Variants in SLF1 observed in about 807,000 individuals in gnomAD.
The protein encoded by SLF1 is SMC5-SMC6 complex localization factor protein 1.
SLF1 carries 105 observed loss-of-function variants against 123.0 expected under a neutral mutation model. That is an observed-to-expected ratio of 0.85 (90% confidence interval 0.73 to 1.00). SLF1 has a LOEUF of 1.00. SLF1 is among the 50% of genes least tolerant of loss of function. SLF1 has a pLI of 0.00. For missense variants in SLF1, 1,239 were observed against 1,223.0 expected, an observed-to-expected ratio of 1.01 and a Z score of -0.20; for synonymous variants, 434 against 406.6, an observed-to-expected ratio of 1.07 and a Z score of -0.81.
chr5:94,686,888 T>G (rs1371038224), intron 16 of SLF1, among the ~76,000 whole-genome samples, 170 bp downstream of exon 16: 1 of 152,136 alleles, frequency 6.6e-6, no homozygotes, highest in African/African-American at 2.4e-5. Flanking sequence ...CCCGGGTGCA[T>G]GGCATTCTCC....
intron 4 of SLF1, among the ~76,000 whole-genome samples, chr5:94,635,262 C>G (rs1193421198): frequency 1.3e-5 from 2 of 148,454 alleles, no homozygotes; most frequent in Non-Finnish European, 3.0e-5. Flanking sequence ...ATGGAGTATC[C>G]TTTTCCATCC....
At chr5:94,647,187 A>G (rs1747163755) in intron 5 of SLF1, among the ~76,000 whole-genome samples, 1 of 152,230 alleles carries the variant, frequency 6.6e-6, no homozygotes. Context: ...GTAGTTAAAA[A>G]ATAATAAATG....
intron 12 of SLF1, among the ~76,000 whole-genome samples, chr5:94,667,273 A>G (rs893603219): frequency 5.3e-5 from 8 of 152,190 alleles, no homozygotes; most frequent in African/African-American, 1.9e-4. Flanking sequence ...ATACCGCACA[A>G]AAGTACAAGC....
chr5:94,679,104 C>G (rs1751455664), intron 15 of SLF1, 149 bp downstream of exon 15: 1 of 797,386 alleles, frequency 1.3e-6, no homozygotes, highest in Non-Finnish European at 1.9e-6. Context: ...TTCACACACA[C>G]AGACAATATA....
At position 94,695,509 on chromosome 5, in the gene SLF1, T is replaced by C. The variant is rs953847640; in HGVS notation, c.*197T>C. ...TGGGCTTCTGACTTTTTCCAGGGTG[T>C]AGAATTTGACTCAAAAGTAAAAATA... On this transcript the variant is annotated 3_prime_UTR_variant, in exon 21 of 21. Transcript: ENST00000265140. The C allele has an allele frequency of 1.1e-5, 5 of 451,500 alleles. No homozygotes were observed. Among genetic ancestry groups the C allele is most frequent in the African/African-American group, 4.1e-5 (2 of 49,026 alleles). The allele number at this position is 451,500 out of a possible 1,614,324, so 28.0% of individuals were successfully genotyped here.
intron 18 of SLF1, among the ~76,000 whole-genome samples, chr5:94,690,675 A>G (rs1159938105): frequency 6.6e-6 from 1 of 152,176 alleles, no homozygotes; most frequent in Non-Finnish European, 1.5e-5. Context: ...TTAGTATTTT[A>G]TAGTAAGAAC....
chr5:94,638,233 C>T (rs1746033056), intron 4 of SLF1, among the ~76,000 whole-genome samples: 1 of 152,004 alleles, frequency 6.6e-6, no homozygotes, highest in South Asian at 2.1e-4. Flanking sequence ...GGCTGAAGTG[C>T]AGTGGCGCGA....
Position 94,697,357 on chromosome 5 carries a change from G to T in SLF1, c.*2045G>T, listed in dbSNP as rs1206634254. The T allele has an allele frequency of 1.3e-5, 2 of 151,758 alleles. No individual in the cohort carries two copies. Among genetic ancestry groups the T allele is most frequent in the East Asian group, 1.9e-4 (1 of 5,156 alleles). The allele number at this position is 151,758 out of a possible 1,614,324, so 9.4% of individuals were successfully genotyped here. ...TATTTTAGAAAACATAATAATAATT[G>T]CCTTGAATAATTGCCCAAATCTATC... On this transcript the variant is annotated 3_prime_UTR_variant, in exon 21 of 21. Coordinates refer to ENST00000265140, the MANE Select transcript of SLF1 (RefSeq NM_032290.4).
intron 9 of SLF1, among the ~76,000 whole-genome samples, chr5:94,660,885 C>T (rs1165405870): frequency 6.6e-6 from 1 of 152,130 alleles, no homozygotes; most frequent in Non-Finnish European, 1.5e-5. Flanking sequence ...GGGTGGCCTC[C>T]CTGGTGCTCT....
chr5:94,688,024 ATCTT>A (rs952802109), intron 16 of SLF1, among the ~76,000 whole-genome samples: 81 of 126,536 alleles, frequency 6.4e-4, no homozygotes, highest in African/African-American at 2.3e-3. Flanking sequence ...ATTAATATCT[ATCTT>A]TAGATATTAA....
At chr5:94,681,152 CAG>C (rs1367402688) in intron 15 of SLF1, among the ~76,000 whole-genome samples, 1 of 151,862 alleles carries the variant, frequency 6.6e-6, no homozygotes, top group Non-Finnish European at 1.5e-5. Context: ...TTTTTTGAGA[CAG>C]AGTCTTACTC....
chr5:94,667,911 G>C (rs1749993497), intron 12 of SLF1, among the ~76,000 whole-genome samples: 1 of 151,880 alleles, frequency 6.6e-6, no homozygotes, highest in South Asian at 2.1e-4. Flanking sequence ...CCCACGCCTG[G>C]CTAGTTTTGT....
intron 11 of SLF1, among the ~76,000 whole-genome samples, chr5:94,664,449 CATGCCTGGCTAAT>C (rs1296313415): frequency 6.6e-6 from 1 of 152,158 alleles, no homozygotes; most frequent in Non-Finnish European, 1.5e-5. Flanking sequence ...CGCATGCCAC[CATGCCTGGCTAAT>C]TTTTAAATTT....
At chr5:94,678,586 C>T (rs1392677998) in intron 14 of SLF1, 2 of 361,702 alleles carry the variant, frequency 5.5e-6, no homozygotes, top group East Asian at 4.4e-5. Context: ...AGTTGTAGGT[C>T]CTTGGAAAAT....
In SLF1 at chr5:94,696,591, A is replaced by C. The variant is rs775031002; in HGVS notation, c.*1279A>C. The C allele has an allele frequency of 7.9e-5, 12 of 151,860 alleles. No individual in the cohort carries two copies. Among genetic ancestry groups the C allele is most frequent in the African/African-American group, 2.9e-4 (12 of 41,416 alleles). The allele number at this position is 151,860 out of a possible 1,614,324, so 9.4% of individuals were successfully genotyped here. A position where few individuals can be genotyped will look rare whatever the true frequency, so the allele number is the denominator to read the frequency against. Reference sequence around the variant, plus strand: ...CTATCTAAGAAGAGTTTAAATGCTTATAGAGAGTAAAGTGCTTCTCCAGAT... The same window carrying C: ...CTATCTAAGAAGAGTTTAAATGCTTCTAGAGAGTAAAGTGCTTCTCCAGAT... On this transcript the variant is annotated 3_prime_UTR_variant, in exon 21 of 21. Transcript: ENST00000265140.
At position 94,695,793 on chromosome 5, in the gene SLF1, C is replaced by G. The variant is rs2152501098; in HGVS notation, c.*481C>G. 6.6e-6 allele frequency: 1 copy of G among 151,836 alleles called. No homozygotes were observed. Among genetic ancestry groups the G allele is most frequent in the Middle Eastern group, 3.4e-3 (1 of 294 alleles). 9.4% of individuals were successfully genotyped at this position (151,836 alleles called of 1,614,324 possible). A position where few individuals can be genotyped will look rare whatever the true frequency, so the allele number is the denominator to read the frequency against. On this transcript the variant is annotated 3_prime_UTR_variant, in exon 21 of 21. Coordinates refer to ENST00000265140, the MANE Select transcript of SLF1 (RefSeq NM_032290.4). ...AAACATGTAGCTCCCTATTTCTTCT[C>G]TCTAGGTTGTTGGACTGAAATATGC...
chr5:94,635,049 C>T (rs1490827225), intron 4 of SLF1, among the ~76,000 whole-genome samples: 2 of 152,230 alleles, frequency 1.3e-5, no homozygotes, highest in East Asian at 1.9e-4. Context: ...TTTATGTAAC[C>T]TCACTTTCCT....
intron 1 of SLF1, among the ~76,000 whole-genome samples, chr5:94,628,430 C>A (rs1477752951): frequency 1.3e-5 from 2 of 152,228 alleles, no homozygotes; most frequent in African/African-American, 4.8e-5. Flanking sequence ...AGCCACTGCA[C>A]CCAGCCCAAC....
rs553940362 is a variant in SLF1 at position 94,657,935 on chromosome 5, T to G, written c.1155+3183T>G. 7.2e-5 allele frequency among the ~76,000 whole-genome samples: 11 copies of G among 152,214 alleles called. No homozygotes were observed. In the South Asian group the frequency reaches 8.3e-4, roughly 11 times the overall value. ...TTCTTCACTTTCAGTCTTTACATGT[T>G]TTAACAGGTGGAGAGAGTTTCTTAT... On this transcript the variant is annotated intron_variant, in intron 9 of 20. Coordinates refer to ENST00000265140, the MANE Select transcript of SLF1 (RefSeq NM_032290.4).
Sources: gnomAD v4.1 joint callset for allele counts (sites outside exome capture counted in the v4.1 genomes callset) on GRCh38, gnomAD v4.1.1 for gene constraint, MANE v1.5 for transcripts, NCBI Gene and HGNC (gene_info 2026-07-23, HGNC 2026-07-21) for gene names.